The following PIGA variants were observed in gnomAD, a reference collection of about 807,000 sequenced individuals.
PIGA encodes the protein phosphatidylinositol glycan anchor biosynthesis class A.
Under a neutral mutation model 17.1 loss-of-function variants are expected in PIGA, and 3 were observed. The observed-to-expected ratio is 0.18, with a 90% CI of 0.08 to 0.45. PIGA has a LOEUF of 0.45. Among genes scored for constraint, PIGA ranks in the 20% least tolerant of loss-of-function variants. The pLI is 0.99. For missense variants in PIGA, 231 were observed against 374.1 expected (o/e 0.62, Z 3.16); for synonymous variants, 126 against 135.1 (o/e 0.93, Z 0.47).
At chrX:15,327,765 C>T (rs1017307237) in intron 2 of PIGA, 1 of 111,982 alleles carries the variant, frequency 8.9e-6, no homozygotes, top group Admixed American at 9.5e-5. Context: ...CAAAAAACAA[C>T]ATAGAGCAAT....
Position 15,326,056 on chromosome X carries a change from T to C in PIGA, c.716-10A>G, listed in dbSNP as rs375371562. The C allele has an allele frequency of 1.2e-4, 131 of 1,080,375 alleles. No individual in the cohort carries two copies. The Middle Eastern group carries it at 2.0e-3, about 17-fold the overall frequency. The allele number at this position is 1,080,375 out of a possible 1,213,427, so 89.0% of individuals were successfully genotyped here. On this transcript the variant is annotated splice_polypyrimidine_tract_variant and intron_variant, in intron 2 of 5. Coordinates refer to ENST00000333590, the MANE Select transcript of PIGA (RefSeq NM_002641.4). Reference sequence around the variant, plus strand: ...CTAAGCAAATCGATCCCTGAAAATATAAAGTTGAATGTTGGAGATATTAAT... The same window carrying C: ...CTAAGCAAATCGATCCCTGAAAATACAAAGTTGAATGTTGGAGATATTAAT...
chrX:15,335,186 C>A (rs756627792), intron 1 of PIGA, among the ~76,000 whole-genome samples: 17 of 112,482 alleles, frequency 1.5e-4, no homozygotes, highest in Non-Finnish European at 2.8e-4. Context: ...ACAGCGACCC[C>A]GCTGGGTTCA....
rs762178998 is a variant in PIGA, at chrX:15,325,001, T to C, written c.981+19A>G. The stretch of plus-strand genomic sequence containing the variant: ...AATACACAGAAATCCCAACCATGAA[T>C]GCCCTCAAAGCTTTTTACCTGTAAA... On this transcript the variant is annotated intron_variant, in intron 4 of 5. Coordinates refer to ENST00000333590, the MANE Select transcript of PIGA (RefSeq NM_002641.4). 5 of 1,185,671 alleles carry C rather than the reference T, an allele frequency of 4.2e-6. No homozygotes were observed. The highest frequency in any genetic ancestry group is 5.6e-6 in the Non-Finnish European group (5 of 885,399).
chrX:15,322,319 A>C (rs1286642837), intron 5 of PIGA, among the ~76,000 whole-genome samples: 1 of 112,085 alleles, frequency 8.9e-6, no homozygotes, highest in Non-Finnish European at 1.9e-5. Flanking sequence ...GAGGCTGTAC[A>C]TGTTGCTGAG....
chrX:15,329,217 A>T (rs1922076667), intron 2 of PIGA, among the ~76,000 whole-genome samples: 1 of 112,514 alleles, frequency 8.9e-6, no homozygotes, highest in Admixed American at 9.4e-5. Flanking sequence ...TGTCAGTTGT[A>T]CTTGTTATCG....
intron 1 of PIGA, chrX:15,335,267 G>A: frequency 3.3e-6 from 1 of 303,465 alleles, no homozygotes; most frequent in Non-Finnish European, 5.7e-6. Flanking sequence ...CAGGCCCGGG[G>A]TTCCGGAGAC....
In PIGA at chrX:15,319,615, G is replaced by A. The variant is rs772400499; in HGVS notation, c.*1891C>T. ...CACTTTAAAATCAACTAAGTAGCAGGGTAGAGCAATGTGTTTCCATATACC... is the reference window on the plus strand; with the variant it reads ...CACTTTAAAATCAACTAAGTAGCAGAGTAGAGCAATGTGTTTCCATATACC... On this transcript the variant is annotated 3_prime_UTR_variant, in exon 6 of 6. Coordinates refer to ENST00000333590, the MANE Select transcript of PIGA (RefSeq NM_002641.4). 9.0e-6 allele frequency: 1 copy of A among 111,525 alleles called. No individual in the cohort carries two copies. The highest frequency in any genetic ancestry group is 1.9e-5 in the Non-Finnish European group (1 of 53,098). The allele number at this position is 111,525 out of a possible 1,213,427, so 9.2% of individuals were successfully genotyped here.
intron 1 of PIGA, among the ~76,000 whole-genome samples, chrX:15,334,434 C>T (rs764914636): frequency 5.4e-5 from 6 of 110,630 alleles, no homozygotes; most frequent in Admixed American, 1.9e-4. Context: ...AGGTGATCCA[C>T]CAGCCTCGGC....
chrX:15,326,393 C>T (rs140288127), intron 2 of PIGA: 1,242 of 114,680 alleles, frequency 0.011, 8 homozygotes, highest in Non-Finnish European at 0.019. Flanking sequence ...GGTTTGAGTT[C>T]GTTTTCTCCA....
At position 15,326,010 on chromosome X, in the gene PIGA, C is replaced by T; in HGVS notation, c.752G>A (p.Cys251Tyr). ...DLLSGIIPEL[C>Y]QKYPDLNFII... ...GAAATTTAAATCTGGATATTTCTGA[C>T]AGAGTTCAGGTATTATACCACTAAG... Residue 251 changes from cysteine (C) to tyrosine (Y), a missense_variant, in exon 3 of 6, where the codon TGT (cysteine) becomes TAT (tyrosine). Physicochemically the swap from Cys to Tyr is radical, Grantham distance 194. Around this residue, in one of 5 missense-constraint regions of PIGA, gnomAD observed 83 missense variants for 190.1 expected, o/e 0.44. Transcript: ENST00000333590. 8.6e-7 allele frequency: 1 copy of T among 1,169,121 alleles called. No homozygotes were observed. Among genetic ancestry groups the T allele is most frequent in the South Asian group, 1.8e-5 (1 of 55,134 alleles).
Position 15,331,175 on chromosome X carries a change from GA to G in PIGA, c.715+40del, listed in dbSNP as rs767911783. ...CAAGTATTCAACAGCTTTCTATAGGGAAAAAAGTCTACAATGCAATTATAGC... is the reference window on the plus strand; with the variant it reads ...CAAGTATTCAACAGCTTTCTATAGGGAAAAAGTCTACAATGCAATTATAGC... On this transcript the variant is annotated intron_variant, in intron 2 of 5. Transcript: ENST00000333590. The G allele has an allele frequency of 8.0e-6, 8 of 997,746 alleles. No homozygotes were observed. In the East Asian group the frequency reaches 2.1e-4, roughly 27 times the overall value. 82.2% of individuals were successfully genotyped at this position (997,746 alleles called of 1,213,427 possible).
chrX:15,327,428 A>T (rs1922017746), intron 2 of PIGA, among the ~76,000 whole-genome samples: 1 of 111,846 alleles, frequency 8.9e-6, no homozygotes. Flanking sequence ...CAGATATAAA[A>T]TAGGAGAAAT....
chrX:15,330,642 G>A (rs1032416254), intron 2 of PIGA, among the ~76,000 whole-genome samples: 34 of 109,904 alleles, frequency 3.1e-4, no homozygotes, highest in African/African-American at 1.1e-3. Flanking sequence ...TCGTTATGTC[G>A]CCCAGGCTGG....
In PIGA at chrX:15,331,920, C is replaced by T; in HGVS notation, c.11G>A (p.Arg4Lys). 1 of 1,202,424 alleles carries T rather than the reference C, an allele frequency of 8.3e-7. No individual in the cohort carries two copies. The highest frequency in any genetic ancestry group is 1.1e-6 in the Non-Finnish European group (1 of 889,432). The change falls in exon 2 of 6, where the codon AGA (arginine) becomes AAA (lysine). Residue 4 changes from arginine to lysine, a missense_variant. Coordinates refer to ENST00000333590, the MANE Select transcript of PIGA (RefSeq NM_002641.4). MACRGGAGNGHRAS... is the reference protein window; with the variant it reads MACKGGAGNGHRAS... ...ACGGTGGCCATTCCCAGCTCCTCCT[C>T]TACAGGCCATGCTGAGACGGTTTAG...
Position 15,331,416 on chromosome X carries a change from G to A in PIGA, c.515C>T (p.Thr172Ile). Residue 172 changes from threonine (T) to isoleucine (I), a missense_variant, in exon 2 of 6, where the codon ACC (threonine) becomes ATC (isoleucine). By Grantham distance (89) the Thr-to-Ile change is moderately conservative (BLOSUM62 -1). Around this residue, in one of 5 missense-constraint regions of PIGA, gnomAD observed 83 missense variants for 190.1 expected, o/e 0.44. Transcript: ENST00000333590. ...VSSVLTNKLL[T>I]VSLCDTNHII... ...GTGGTTTGTATCACAAAGAGACACG[G>A]TTAGAAGCTTGTTTGTAAGCACCGA... The A allele has an allele frequency of 8.3e-7, 1 of 1,210,715 alleles. No homozygotes were observed. The highest frequency in any genetic ancestry group is 1.1e-6 in the Non-Finnish European group (1 of 894,388).
rs35688150 is a variant in PIGA, at chrX:15,334,185, CTT to C, written c.-63+1314_-63+1315del. 6.5e-3 allele frequency among the ~76,000 whole-genome samples: 409 copies of C among 62,886 alleles called. 4 individuals are homozygous for C. Among genetic ancestry groups the C allele is most frequent in the African/African-American group, 0.023 (342 of 15,137 alleles). The allele number at this position is 62,886 out of a possible 115,157, so 54.6% of individuals were successfully genotyped here. A position where few individuals can be genotyped will look rare whatever the true frequency, so the allele number is the denominator to read the frequency against. On this transcript the variant is annotated intron_variant, in intron 1 of 5. Transcript: ENST00000333590. ...CTAGTCTCTCCAACAAATTCATCTACTTTTTTTTTTTTTTTTTTTTTTTGAGA... is the reference window on the plus strand; with the variant it reads ...CTAGTCTCTCCAACAAATTCATCTACTTTTTTTTTTTTTTTTTTTTTGAGA...
At chrX:15,332,272 G>C (rs1266513107) in intron 1 of PIGA, among the ~76,000 whole-genome samples, 1 of 112,028 alleles carries the variant, frequency 8.9e-6, no homozygotes, top group African/African-American at 3.2e-5. Flanking sequence ...GGTTTACCAC[G>C]TTAACAAACC....
intron 3 of PIGA, 44 bp from the exon 4 acceptor site, chrX:15,325,196 G>C: frequency 4.5e-6 from 5 of 1,105,011 alleles, no homozygotes; most frequent in Non-Finnish European, 6.0e-6. Context: ...GAAAACTCAT[G>C]CTACAAAAGA....
rs914035233 is a variant in PIGA at position 15,322,238 on chromosome X, C to G, written c.1189-466G>C. On this transcript the variant is annotated intron_variant, in intron 5 of 5. Coordinates refer to ENST00000333590, the MANE Select transcript of PIGA (RefSeq NM_002641.4). ...GCTCTCACCGGCATCTGGCAGACAT[C>G]AACCACAAGCAGAGAGCTACAATCT... Among the ~76,000 whole-genome samples, 6 of 111,586 alleles carry G rather than the reference C, an allele frequency of 5.4e-5. No homozygotes were observed. In the East Asian group the frequency reaches 8.4e-4, roughly 16 times the overall value.
Sources: gnomAD v4.1 joint callset for allele counts (sites outside exome capture counted in the v4.1 genomes callset) on GRCh38, gnomAD v4.1.1 for gene constraint, gnomAD v4.1.1 regional missense constraint, MANE v1.5 for transcripts, NCBI Gene and HGNC (gene_info 2026-07-23, HGNC 2026-07-21) for gene names.